CFHR5: variants seen among roughly 807,000 people sequenced by gnomAD.
CFHR5 encodes complement factor H related 5.
In CFHR5, 73 loss-of-function variants were observed where a neutral mutation model predicts 62.9. The observed-to-expected ratio is 1.16, with a 90% CI of 0.96 to 1.41. The LOEUF (loss-of-function observed/expected upper bound fraction) is 1.41. CFHR5 is among the 40% of genes most tolerant of loss of function. The probability of loss-of-function intolerance (pLI) is 0.00; values close to 1 mark genes in which losing one functional copy is unlikely to be tolerated. For missense variants in CFHR5, 779 were observed against 679.9 expected (o/e 1.15, Z -1.62); for synonymous variants, 249 against 227.2 (o/e 1.10, Z -0.86).
Position 196,994,165 on chromosome 1 carries a change from A to T in CFHR5, c.516A>T (p.Lys172Asn). 6.2e-7 allele frequency: 1 copy of T among 1,613,554 alleles called. No individual in the cohort carries two copies. Among genetic ancestry groups the T allele is most frequent in the Non-Finnish European group, 8.5e-7 (1 of 1,179,698 alleles). The part of the protein sequence containing the change: ...KESYKVGDVL[K>N]FSCRKNLIRV... ...GCTACAAAGTTGGAGACGTGTTGAAATTCTCCTGCAGAAAAAATCTTATAA... is the reference window on the plus strand; with the variant it reads ...GCTACAAAGTTGGAGACGTGTTGAATTTCTCCTGCAGAAAAAATCTTATAA... Residue 172 changes from lysine (K) to asparagine (N), a missense_variant, in exon 4 of 10, where the codon AAA becomes AAT. Lys to Asn is a moderately conservative substitution (Grantham distance 94, BLOSUM62 0). Transcript: ENST00000256785.
upstream of CFHR5, among the ~76,000 whole-genome samples, chr1:196,976,598 T>A (rs561459242): frequency 3.2e-4 from 49 of 152,170 alleles, no homozygotes; most frequent in South Asian, 6.2e-4. Flanking sequence ...TTTCCCAACA[T>A]TATGCTGTTT....
At position 197,007,189 on chromosome 1, in the gene CFHR5, C is replaced by T. The variant is rs117288918; in HGVS notation, c.1514-1298C>T. Among the ~76,000 whole-genome samples the T allele has an allele frequency of 1.1e-3, 165 of 151,576 alleles. 1 individual carries two copies. The East Asian group carries it at 0.032, about 29-fold the overall frequency. ...CTAAGAACATGTGGTTATTTTACACCGAGAAAACATGCAATATGGGGAAAT... is the reference window on the plus strand; with the variant it reads ...CTAAGAACATGTGGTTATTTTACACTGAGAAAACATGCAATATGGGGAAAT... On this transcript the variant is annotated intron_variant, in intron 9 of 9. Transcript: ENST00000256785.
At chr1:197,004,140 T>C (rs762370055) in intron 8 of CFHR5, among the ~76,000 whole-genome samples, 54 of 152,128 alleles carry the variant, frequency 3.5e-4, no homozygotes, top group Non-Finnish European at 6.9e-4. Context: ...CTTTTTTTAG[T>C]TTTCCCCAAA....
At position 196,996,090 on chromosome 1, in the gene CFHR5, T is replaced by C; in HGVS notation, c.859T>C (p.Tyr287His). ...YGYVQPSVPP[Y>H]QHGVSVEVNC... ...TTATGTTCAGCCGTCTGTCCCTCCCTATCAACATGGAGTTTCAGTCGAGGT... is the reference window on the plus strand; with the variant it reads ...TTATGTTCAGCCGTCTGTCCCTCCCCATCAACATGGAGTTTCAGTCGAGGT... Residue 287 changes from tyrosine (Y) to histidine (H), a missense_variant, in exon 6 of 10, where the codon TAT becomes CAT. Physicochemically the swap from Tyr to His is moderately conservative, Grantham distance 83. Transcript: ENST00000256785. 6.2e-7 allele frequency: 1 copy of C among 1,613,722 alleles called. No homozygotes were observed. The highest frequency in any genetic ancestry group is 8.5e-7 in the Non-Finnish European group (1 of 1,179,658).
chr1:196,976,506 C>T (rs1465472268), upstream of CFHR5, among the ~76,000 whole-genome samples: 1 of 152,100 alleles, frequency 6.6e-6, no homozygotes, highest in Admixed American at 6.6e-5. Flanking sequence ...TTCTGAGCCA[C>T]GGAATTGGGC....
chr1:196,983,464 G>T (rs1397679000), intron 2 of CFHR5, among the ~76,000 whole-genome samples: 1 of 152,052 alleles, frequency 6.6e-6, no homozygotes, highest in Non-Finnish European at 1.5e-5. Context: ...GCGAGGTAAG[G>T]TTTGGTATTT....
chr1:196,999,861 C>T (rs1446043656), intron 7 of CFHR5, among the ~76,000 whole-genome samples: 1 of 145,946 alleles, frequency 6.9e-6, no homozygotes, highest in Admixed American at 6.9e-5. Context: ...TCCTAAAAAG[C>T]TAGGGGGAAA....
intron 3 of CFHR5, among the ~76,000 whole-genome samples, chr1:196,987,063 A>G (rs931589769): frequency 6.6e-6 from 1 of 152,166 alleles, no homozygotes; most frequent in Non-Finnish European, 1.5e-5. Context: ...TCGCCATTCT[A>G]ACTGGTGTGA....
Position 196,983,943 on chromosome 1 carries a change from T to C in CFHR5, c.254-18T>C. ...TTGCTACTTCCATCTTGTACATTAA[T>C]CAATTTTTGTTCCTTAGGAATGTGT... On this transcript the variant is annotated intron_variant, in intron 2 of 9. Transcript: ENST00000256785. 6.3e-7 allele frequency: 1 copy of C among 1,590,140 alleles called. No individual in the cohort carries two copies. The highest frequency in any genetic ancestry group is 2.2e-5 in the East Asian group (1 of 44,670).
intron 1 of CFHR5, among the ~76,000 whole-genome samples, chr1:196,979,561 A>G (rs1014780666): frequency 1.7e-4 from 26 of 152,242 alleles, no homozygotes; most frequent in African/African-American, 6.3e-4. Flanking sequence ...AATATTAAGA[A>G]TGGCAGACTT....
intron 3 of CFHR5, among the ~76,000 whole-genome samples, chr1:196,991,799 T>A (rs1197458989): frequency 6.6e-6 from 1 of 152,162 alleles, no homozygotes; most frequent in Non-Finnish European, 1.5e-5. Context: ...GGTGTCAGTT[T>A]TCCCCCTACT....
At chr1:196,979,178 A>G (rs1425037646) in intron 1 of CFHR5, among the ~76,000 whole-genome samples, 2 of 152,058 alleles carry the variant, frequency 1.3e-5, no homozygotes, top group South Asian at 2.1e-4. Flanking sequence ...ACCCCTCACT[A>G]CTACTTAGAG....
intron 7 of CFHR5, among the ~76,000 whole-genome samples, chr1:197,001,600 G>C (rs1296704638): frequency 6.6e-6 from 1 of 151,462 alleles, no homozygotes; most frequent in Non-Finnish European, 1.5e-5. Context: ...TGTGCACAAC[G>C]TGCAGGTTTG....
At position 196,995,912 on chromosome 1, in the gene CFHR5, T is replaced by G. The variant is rs1482345970; in HGVS notation, c.790+13T>G. On this transcript the variant is annotated intron_variant, in intron 5 of 9. Coordinates refer to ENST00000256785, the MANE Select transcript of CFHR5 (RefSeq NM_030787.4). ...CCCACTTGTGTTGGTAAATAAATAT[T>G]AACATTTAAACAGGACAGTTACTAT... 5.6e-6 allele frequency: 9 copies of G among 1,607,888 alleles called. No homozygotes were observed. In the South Asian group the frequency reaches 9.9e-5, roughly 18 times the overall value.
intron 7 of CFHR5, among the ~76,000 whole-genome samples, chr1:196,999,600 A>G (rs1654078703): frequency 6.7e-6 from 1 of 149,870 alleles, no homozygotes; most frequent in Non-Finnish European, 1.5e-5. Flanking sequence ...AAGGATACGT[A>G]GTAAAACCTA....
chr1:196,980,800 A>G (rs1406446002), intron 1 of CFHR5, among the ~76,000 whole-genome samples: 3 of 152,150 alleles, frequency 2.0e-5, no homozygotes, highest in African/African-American at 7.2e-5. Flanking sequence ...TTGTAGAGCA[A>G]GTTCTAAAGG....
chr1:196,991,032 G>A (rs939594378), intron 3 of CFHR5, among the ~76,000 whole-genome samples: 3 of 151,600 alleles, frequency 2.0e-5, no homozygotes, highest in African/African-American at 4.9e-5. Context: ...TTTTCACATA[G>A]TCCCATATTT....
intron 3 of CFHR5, among the ~76,000 whole-genome samples, chr1:196,989,475 T>A (rs2125030640): frequency 6.6e-6 from 1 of 152,324 alleles, no homozygotes; most frequent in East Asian, 1.9e-4. Context: ...GTGTTGACTT[T>A]AGATCTTTCC....
At chr1:196,977,408 A>G, upstream of CFHR5, 1 of 481,348 alleles carries the variant, frequency 2.1e-6, no homozygotes, top group Non-Finnish European at 3.8e-6. Flanking sequence ...GAAATTGAAC[A>G]GCAGTTATTT....
Sources: allele counts gnomAD v4.1 joint callset (sites outside exome capture counted in the v4.1 genomes callset), GRCh38; gene constraint gnomAD v4.1.1; transcripts MANE v1.5; gene names NCBI Gene and HGNC (gene_info 2026-07-23, HGNC 2026-07-21).